The following LDAF1 variants were observed in gnomAD, a reference collection of about 807,000 sequenced individuals.
The protein encoded by LDAF1 is lipid droplet assembly factor 1, also known as PROMETHIN.
LDAF1 carries 7 observed loss-of-function variants against 13.5 expected under a neutral mutation model. The observed-to-expected ratio is 0.52, with a 90% CI of 0.29 to 0.97. The LOEUF (loss-of-function observed/expected upper bound fraction) is 0.97. LDAF1 is among the 50% of genes least tolerant of loss of function. The pLI is 0.07. For synonymous variants in LDAF1, 69 were observed against 77.1 expected (o/e 0.89, Z 0.55); for missense variants, 148 against 193.2 (o/e 0.77, Z 1.39).
At chr16:21,171,179 TCCTC>T (rs983161435) in intron 3 of LDAF1, among the ~76,000 whole-genome samples, 1 of 152,182 alleles carries the variant, frequency 6.6e-6, no homozygotes, top group African/African-American at 2.4e-5. Flanking sequence ...CCTTCATCCT[TCCTC>T]CTGAAGTTCC....
intron 1 of LDAF1, among the ~76,000 whole-genome samples, chr16:21,159,147 C>A (rs1027676341): frequency 6.6e-6 from 1 of 152,072 alleles, no homozygotes; most frequent in Non-Finnish European, 1.5e-5. Flanking sequence ...AAACGGGCGC[C>A]TTCCTCACCA....
rs2092920265 is a variant in LDAF1, at chr16:21,158,757, G to A, written c.-99+11G>A. On this transcript the variant is annotated intron_variant, in intron 1 of 4. Transcript: ENST00000233047. Reference sequence around the variant, plus strand: ...GGCGGTCAGGAGCAGGTGAGAGCTCGGAGCTTGGGGGTGGGGGTCCGGGTG... The same window carrying A: ...GGCGGTCAGGAGCAGGTGAGAGCTCAGAGCTTGGGGGTGGGGGTCCGGGTG... The A allele has an allele frequency of 6.5e-6, 1 of 153,850 alleles. No homozygotes were observed. The highest frequency in any genetic ancestry group is 1.4e-5 in the Non-Finnish European group (1 of 69,088). The allele number at this position is 153,850 out of a possible 1,614,324, so 9.5% of individuals were successfully genotyped here.
At chr16:21,163,618 C>G (rs35905524) in intron 2 of LDAF1, among the ~76,000 whole-genome samples, 1 of 152,180 alleles carries the variant, frequency 6.6e-6, no homozygotes, top group Non-Finnish European at 1.5e-5. Context: ...GTACTCCAGC[C>G]TGGGTGACAG....
intron 4 of LDAF1, among the ~76,000 whole-genome samples, chr16:21,175,239 T>G (rs901678797): frequency 1.1e-4 from 17 of 152,262 alleles, no homozygotes; most frequent in African/African-American, 4.1e-4. Context: ...ACTGAGCACT[T>G]GCTCTGTGCC....
At chr16:21,163,221 T>G (rs745662930) in intron 2 of LDAF1, among the ~76,000 whole-genome samples, 1 of 152,164 alleles carries the variant, frequency 6.6e-6, no homozygotes, top group Non-Finnish European at 1.5e-5. Flanking sequence ...TGGCACTAAA[T>G]AGACCACAGT....
chr16:21,168,742 T>G (rs1479865741), intron 2 of LDAF1, among the ~76,000 whole-genome samples: 1 of 134,064 alleles, frequency 7.5e-6, no homozygotes, highest in African/African-American at 2.8e-5. Flanking sequence ...TATTATATTT[T>G]TATTTTATAT....
At chr16:21,160,485 A>C (rs975055992) in intron 1 of LDAF1, among the ~76,000 whole-genome samples, 4 of 152,162 alleles carry the variant, frequency 2.6e-5, no homozygotes, top group African/African-American at 9.7e-5. Flanking sequence ...GATGTATGGA[A>C]TGATGGAATT....
intron 2 of LDAF1, among the ~76,000 whole-genome samples, chr16:21,164,284 T>A (rs1427416608): frequency 6.6e-6 from 1 of 152,138 alleles, no homozygotes; most frequent in Non-Finnish European, 1.5e-5. Flanking sequence ...CACTCTGTCT[T>A]CCAGGCTGGA....
intron 4 of LDAF1, among the ~76,000 whole-genome samples, chr16:21,177,977 G>A (rs926732810): frequency 1.3e-5 from 2 of 152,072 alleles, no homozygotes; most frequent in African/African-American, 4.8e-5. Context: ...ATGATCGAAA[G>A]CATGGAATGG....
rs1254560132 is a variant in LDAF1 at position 21,158,677 on chromosome 16, T to C, written c.-168T>C. ...TCGGGACGCTCTTTCCTTCTTCCTC[T>C]TGTTCCTCCTCCTGCCTCTCTTCGC... On this transcript the variant is annotated 5_prime_UTR_variant, in exon 1 of 5. Coordinates refer to ENST00000233047, the MANE Select transcript of LDAF1 (RefSeq NM_001301771.2). 1 of 152,904 alleles carries C rather than the reference T, an allele frequency of 6.5e-6. No homozygotes were observed. Among genetic ancestry groups the C allele is most frequent in the East Asian group, 1.9e-4 (1 of 5,194 alleles). 9.5% of individuals were successfully genotyped at this position (152,904 alleles called of 1,614,324 possible).
chr16:21,170,619 T>C lies in LDAF1; in HGVS notation c.265+14T>C, dbSNP rs1190328422. ...TAATATTGGAAGGTAGCCTGTTCCG[T>C]CATTCACCCCTTTAGAAAATAATTC... is the stretch of plus-strand genomic sequence containing the variant. On this transcript the variant is annotated intron_variant, in intron 3 of 4. Transcript: ENST00000233047. The C allele has an allele frequency of 6.2e-6, 10 of 1,613,808 alleles. No homozygotes were observed. The African/African-American group carries it at 1.1e-4, about 17-fold the overall frequency.
chr16:21,164,602 G>T (rs1314060090), intron 2 of LDAF1, among the ~76,000 whole-genome samples: 1 of 152,188 alleles, frequency 6.6e-6, no homozygotes, highest in Admixed American at 6.5e-5. Context: ...GGTTTGTTAT[G>T]AAGATTATCT....
intron 3 of LDAF1, among the ~76,000 whole-genome samples, chr16:21,172,446 CA>C (rs577669736): frequency 8.8e-5 from 13 of 147,774 alleles, no homozygotes; most frequent in Non-Finnish European, 1.2e-4. Context: ...GACTCTGTCT[CA>C]AAAAAAAGAA....
rs771794455 is a variant in LDAF1, at chr16:21,174,078, G to T, written c.334G>T (p.Ala112Ser). 6.2e-7 allele frequency: 1 copy of T among 1,614,018 alleles called. No individual in the cohort carries two copies. The highest frequency in any genetic ancestry group is 1.3e-5 in the African/African-American group (1 of 75,014). Residue 112 changes from alanine (A) to serine (S), a missense_variant, in exon 4 of 5, where the codon GCC becomes TCC. Physicochemically the swap from Ala to Ser is moderately conservative, Grantham distance 99. Transcript: ENST00000233047. ...CTGTGGTTTGGGCTTCGTATCACTC[G>T]CCATGTCGGGGATGATGATAGCATC... ...ILCGLGFVSL[A>S]MSGMMIASYV...
At chr16:21,165,928 C>T (rs907983869) in intron 2 of LDAF1, among the ~76,000 whole-genome samples, 1 of 152,056 alleles carries the variant, frequency 6.6e-6, no homozygotes, top group Non-Finnish European at 1.5e-5. Context: ...GGCGTGATCT[C>T]GGCTCACTGC....
At chr16:21,167,055 C>A in intron 2 of LDAF1, 1 of 740,966 alleles carries the variant, frequency 1.3e-6, no homozygotes, top group Non-Finnish European at 2.2e-6. Context: ...GTGAAATTGG[C>A]CATGCCTCGA....
At position 21,161,229 on chromosome 16, in the gene LDAF1, T is replaced by C. The variant is rs770084522; in HGVS notation, c.47T>C (p.Leu16Pro). The C allele has an allele frequency of 1.2e-6, 2 of 1,614,252 alleles. No homozygotes were observed. Among genetic ancestry groups the C allele is most frequent in the Non-Finnish European group, 1.7e-6 (2 of 1,180,046 alleles). Residue 16 changes from leucine to proline, a missense_variant, in exon 2 of 5, where the codon CTG becomes CCG. By Grantham distance (98) the Leu-to-Pro change is moderately conservative. Transcript: ENST00000233047. ...AGTATCTCAAGGGACTTGCAGGAAC[T>C]GCAGAAGAAGCTGTCTCTGCTGATA... ...PQSISRDLQE[L>P]QKKLSLLIDS...
chr16:21,159,022 A>G (rs1253921000), intron 1 of LDAF1, among the ~76,000 whole-genome samples: 2 of 150,562 alleles, frequency 1.3e-5, no homozygotes, highest in East Asian at 3.9e-4. Context: ...ACATACACAC[A>G]CACACTACCA....
At chr16:21,172,148 TAAA>T (rs769536016) in intron 3 of LDAF1, among the ~76,000 whole-genome samples, 4 of 132,854 alleles carry the variant, frequency 3.0e-5, no homozygotes, top group Non-Finnish European at 3.2e-5. Context: ...TCCATCTCTT[TAAA>T]AAAAAAAAAA....
Sources: allele counts gnomAD v4.1 joint callset (sites outside exome capture counted in the v4.1 genomes callset), GRCh38; gene constraint gnomAD v4.1.1; transcripts MANE v1.5; gene names NCBI Gene and HGNC (gene_info 2026-07-23, HGNC 2026-07-21).